FAM210A: variants seen among roughly 807,000 people sequenced by gnomAD.
The protein encoded by FAM210A is mitochondrial inner membrane scaffold 1.
Under a neutral mutation model 25.3 loss-of-function variants are expected in FAM210A, and 13 were observed. The observed-to-expected ratio is 0.51, with a 90% CI of 0.33 to 0.82. The LOEUF (loss-of-function observed/expected upper bound fraction) is 0.82. Among genes scored for constraint, FAM210A ranks in the 40% least tolerant of loss-of-function variants. The probability of loss-of-function intolerance (pLI) is 0.02; values close to 1 mark genes in which losing one functional copy is unlikely to be tolerated. For synonymous variants in FAM210A, 125 were observed against 118.7 expected (o/e 1.05, Z -0.35); for missense variants, 319 against 323.2 (o/e 0.99, Z 0.10).
intron 1 of FAM210A, among the ~76,000 whole-genome samples, chr18:13,706,249 C>G (rs889860721): frequency 2.0e-5 from 3 of 152,058 alleles, no homozygotes; most frequent in Non-Finnish European, 4.4e-5. Context: ...TTGATGTGAA[C>G]AGCTTTTCCC....
intron 1 of FAM210A, among the ~76,000 whole-genome samples, chr18:13,688,822 C>T (rs908002266): frequency 3.3e-5 from 5 of 152,364 alleles, no homozygotes; most frequent in East Asian, 1.9e-4. Flanking sequence ...ATGGCCTGCA[C>T]GGAGTTCGCT....
At chr18:13,676,024 G>C (rs373688324) in intron 2 of FAM210A, among the ~76,000 whole-genome samples, 3 of 108,372 alleles carry the variant, frequency 2.8e-5, no homozygotes, top group Admixed American at 8.9e-5. Flanking sequence ...TTCCTGAGCC[G>C]CTGACCTCTT....
chr18:13,694,698 C>T (rs1292039612), intron 1 of FAM210A, among the ~76,000 whole-genome samples: 1 of 152,156 alleles, frequency 6.6e-6, no homozygotes, highest in Non-Finnish European at 1.5e-5. Flanking sequence ...CTTCCTTACA[C>T]CTTATATGAA....
intron 1 of FAM210A, among the ~76,000 whole-genome samples, chr18:13,709,150 C>T (rs972621511): frequency 6.6e-6 from 1 of 152,144 alleles, no homozygotes; most frequent in African/African-American, 2.4e-5. Flanking sequence ...CTCTTCAAGC[C>T]TCATATATAA....
intron 1 of FAM210A, chr18:13,715,280 TGCA>T (rs533072223): frequency 9.0e-4 from 137 of 152,298 alleles, no homozygotes; most frequent in African/African-American, 3.1e-3. Flanking sequence ...CCGAACTTAG[TGCA>T]GACGCCTGAT....
chr18:13,701,441 T>C (rs905323384), intron 1 of FAM210A, among the ~76,000 whole-genome samples: 1 of 151,908 alleles, frequency 6.6e-6, no homozygotes, highest in Non-Finnish European at 1.5e-5. Context: ...ATTGCAGGGG[T>C]TGTAAAATTT....
chr18:13,690,117 G>A (rs1250839703), intron 1 of FAM210A, among the ~76,000 whole-genome samples: 2 of 152,230 alleles, frequency 1.3e-5, no homozygotes, highest in African/African-American at 4.8e-5. Context: ...TCCCGTGCCT[G>A]GCTCAGAGGG....
At chr18:13,713,725 A>AACACACACACACACACAGAC (rs2043838852) in intron 1 of FAM210A, among the ~76,000 whole-genome samples, 1 of 141,898 alleles carries the variant, frequency 7.0e-6, no homozygotes, top group African/African-American at 2.7e-5. Context: ...GTCACTATAA[A>AACACACACACACACACAGAC]ACACACACAC....
intron 1 of FAM210A, among the ~76,000 whole-genome samples, chr18:13,712,346 A>G (rs1411371317): frequency 6.6e-6 from 1 of 152,248 alleles, no homozygotes; most frequent in Non-Finnish European, 1.5e-5. Flanking sequence ...TGCAGAACTT[A>G]AAGAGAAAAG....
chr18:13,693,202 A>T (rs957589183), intron 1 of FAM210A, among the ~76,000 whole-genome samples: 1 of 152,266 alleles, frequency 6.6e-6, no homozygotes, highest in Non-Finnish European at 1.5e-5. Context: ...AACCAGGAAG[A>T]CACTGAATCC....
intron 1 of FAM210A, among the ~76,000 whole-genome samples, chr18:13,720,284 T>C (rs960019299): frequency 4.6e-5 from 7 of 152,314 alleles, no homozygotes; most frequent in South Asian, 2.1e-4. Context: ...CTGGGTCATA[T>C]GGCCTGAGTG....
chr18:13,685,888 A>T (rs2043593070), intron 1 of FAM210A, among the ~76,000 whole-genome samples: 1 of 152,196 alleles, frequency 6.6e-6, no homozygotes, highest in Non-Finnish European at 1.5e-5. Context: ...AAGAAGTAAG[A>T]TCTAAACTCA....
At chr18:13,692,141 A>T (rs1171594350) in intron 1 of FAM210A, among the ~76,000 whole-genome samples, 3 of 151,574 alleles carry the variant, frequency 2.0e-5, no homozygotes, top group Non-Finnish European at 4.4e-5. Context: ...CAAAGATCAA[A>T]AGAGACAAAG....
At chr18:13,681,522 A>T (rs1301090177) in intron 2 of FAM210A, 83 bp downstream of exon 2, 7 of 1,113,852 alleles carry the variant, frequency 6.3e-6, no homozygotes, top group Non-Finnish European at 8.9e-6. Flanking sequence ...AGCATTTAAA[A>T]ATCTAAAGCT....
intron 1 of FAM210A, among the ~76,000 whole-genome samples, chr18:13,718,361 C>T (rs1486167029): frequency 1.3e-5 from 2 of 152,084 alleles, no homozygotes; most frequent in African/African-American, 4.8e-5. Flanking sequence ...ATAAAAGCAG[C>T]AACCTTAGGT....
chr18:13,711,663 C>T (rs1228838262), intron 1 of FAM210A, among the ~76,000 whole-genome samples: 2 of 152,164 alleles, frequency 1.3e-5, no homozygotes, highest in Non-Finnish European at 2.9e-5. Flanking sequence ...GTAATAGACT[C>T]CTTTTTCTCT....
chr18:13,698,369 A>T (rs971954822), intron 1 of FAM210A, among the ~76,000 whole-genome samples: 1 of 151,428 alleles, frequency 6.6e-6, no homozygotes, highest in African/African-American at 2.4e-5. Flanking sequence ...AAAAAAAAAA[A>T]AAATAAGAAT....
intron 1 of FAM210A, among the ~76,000 whole-genome samples, chr18:13,697,886 T>C (rs893673101): frequency 1.3e-5 from 2 of 152,158 alleles, no homozygotes; most frequent in African/African-American, 4.8e-5. Flanking sequence ...CATTATTCAG[T>C]AATGTGCTAT....
In FAM210A at chr18:13,664,185, A is replaced by G. The variant is rs1255430684; in HGVS notation, c.*2295T>C. The stretch of plus-strand genomic sequence containing the variant: ...AGAGCATTTTTTACTAGAGAATTTC[A>G]TATCATTCAAGCAGTAACTCATTGT... On this transcript the variant is annotated 3_prime_UTR_variant, in exon 4 of 4. Transcript: ENST00000651643. 2 of 152,226 alleles carry G rather than the reference A, an allele frequency of 1.3e-5. No individual in the cohort carries two copies. Among genetic ancestry groups the G allele is most frequent in the Non-Finnish European group, 2.9e-5 (2 of 68,030 alleles). 9.4% of individuals were successfully genotyped at this position (152,226 alleles called of 1,614,324 possible). A position where few individuals can be genotyped will look rare whatever the true frequency, so the allele number is the denominator to read the frequency against.
Sources: allele counts gnomAD v4.1 joint callset (sites outside exome capture counted in the v4.1 genomes callset), GRCh38; gene constraint gnomAD v4.1.1; transcripts MANE v1.5; gene names NCBI Gene and HGNC (gene_info 2026-07-23, HGNC 2026-07-21).